Variants in ADAMTSL1 observed in about 807,000 individuals in gnomAD.
The protein encoded by ADAMTSL1 is ADAMTS-like protein 1.
In ADAMTSL1, 126 loss-of-function variants were observed where a neutral mutation model predicts 201.8. That is an observed-to-expected ratio of 0.62 (90% confidence interval 0.54 to 0.72). The LOEUF (loss-of-function observed/expected upper bound fraction) is 0.72, where lower values mean the gene tolerates loss of function less well. Ranked by LOEUF, ADAMTSL1 falls within the 30% of genes least tolerant of loss-of-function variation. The pLI is 0.00. For synonymous variants in ADAMTSL1, 1,121 were observed against 903.4 expected (o/e 1.24, Z -4.32); for missense variants, 2,679 against 2,277.8 (o/e 1.18, Z -3.59).
At chr9:18,144,185 A>G (rs927822451) in intron 1 of ADAMTSL1, among the ~76,000 whole-genome samples, 7 of 123,122 alleles carry the variant, frequency 5.7e-5, no homozygotes, top group Non-Finnish European at 1.2e-4. Context: ...AATAGTATAT[A>G]CATCTTTTTC....
At chr9:18,762,745 A>C (rs1033125496) in intron 16 of ADAMTSL1, among the ~76,000 whole-genome samples, 4 of 152,060 alleles carry the variant, frequency 2.6e-5, no homozygotes, top group African/African-American at 9.7e-5. Flanking sequence ...AAGTGAGAAC[A>C]TGTGATGTTT....
intron 2 of ADAMTSL1, among the ~76,000 whole-genome samples, chr9:18,522,974 T>C (rs1217230810): frequency 6.6e-6 from 1 of 152,182 alleles, no homozygotes; most frequent in Non-Finnish European, 1.5e-5. Flanking sequence ...GATGGCTGGG[T>C]CAAATGGTAT....
intron 2 of ADAMTSL1, among the ~76,000 whole-genome samples, chr9:18,385,761 G>A (rs1837766791): frequency 6.6e-6 from 1 of 152,112 alleles, no homozygotes; most frequent in African/African-American, 2.4e-5. Context: ...ATGAATTGTG[G>A]TTTTCCCCAC....
At chr9:18,481,548 C>A (rs1035342529) in intron 1 of ADAMTSL1, among the ~76,000 whole-genome samples, 12 of 151,448 alleles carry the variant, frequency 7.9e-5, no homozygotes, top group African/African-American at 2.9e-4. Flanking sequence ...CTGTAGGCAA[C>A]AGTTCTGTGA....
At position 18,389,185 on chromosome 9, in the gene ADAMTSL1, C is replaced by CT. The variant is rs74865114; in HGVS notation, c.208-115632dup. 4.9e-3 allele frequency among the ~76,000 whole-genome samples: 716 copies of CT among 145,298 alleles called. 3 individuals carry two copies. Among genetic ancestry groups the CT allele is most frequent in the Middle Eastern group, 0.014 (4 of 288 alleles). ...ATTTCAATAATCCCAATTTCTACCT[C>CT]TTTTTTTTTTTTAAGAAATTGAACA... On this transcript the variant is annotated intron_variant, in intron 2 of 29. Coordinates refer to the ADAMTSL1 transcript ENST00000680146.
chr9:18,386,107 C>T (rs1212251360), intron 2 of ADAMTSL1, among the ~76,000 whole-genome samples: 6 of 152,152 alleles, frequency 3.9e-5, no homozygotes, highest in Non-Finnish European at 7.4e-5. Context: ...TATTTTAGCT[C>T]TAACTCCCTC....
At chr9:18,359,810 G>GC (rs1458111666) in intron 2 of ADAMTSL1, among the ~76,000 whole-genome samples, 5 of 87,346 alleles carry the variant, frequency 5.7e-5, no homozygotes, top group African/African-American at 9.6e-5. Flanking sequence ...CAGGGTTAAT[G>GC]CCCCACCTCC....
intron 14 of ADAMTSL1, among the ~76,000 whole-genome samples, chr9:18,713,054 G>A (rs1338297972): frequency 6.6e-6 from 1 of 151,650 alleles, no homozygotes; most frequent in African/African-American, 2.4e-5. Context: ...AATGCTGAGA[G>A]ATTTTGTCAC....
intron 23 of ADAMTSL1, among the ~76,000 whole-genome samples, chr9:18,842,275 C>T (rs2131324576): frequency 6.6e-6 from 1 of 152,202 alleles, no homozygotes; most frequent in South Asian, 2.1e-4. Context: ...ATCTTTCTTT[C>T]TGCCTTCATT....
chr9:18,259,789 G>A (rs1274672783), intron 2 of ADAMTSL1, among the ~76,000 whole-genome samples: 1 of 152,140 alleles, frequency 6.6e-6, no homozygotes, highest in Non-Finnish European at 1.5e-5. Flanking sequence ...TAGAGTAATA[G>A]GAAATGGTGC....
intron 3 of ADAMTSL1, among the ~76,000 whole-genome samples, chr9:18,554,474 T>A (rs1261093107): frequency 6.6e-6 from 1 of 151,812 alleles, no homozygotes; most frequent in Non-Finnish European, 1.5e-5. Flanking sequence ...GAGGAGGATG[T>A]TGGCATAGGG....
At chr9:18,538,881 T>C (rs1162419967) in intron 3 of ADAMTSL1, among the ~76,000 whole-genome samples, 1 of 152,212 alleles carries the variant, frequency 6.6e-6, no homozygotes, top group African/African-American at 2.4e-5. Context: ...ACAATGACGC[T>C]GCTACAGGTC....
chr9:18,344,133 G>A (rs528057892), intron 2 of ADAMTSL1, among the ~76,000 whole-genome samples: 4 of 152,056 alleles, frequency 2.6e-5, no homozygotes, highest in African/African-American at 9.7e-5. Context: ...TGTAAAAAAT[G>A]TTTTAATTAC....
At position 18,849,750 on chromosome 9, in the gene ADAMTSL1, T is replaced by G. The variant is rs373352625; in HGVS notation, c.4249+19773T>G. Among the ~76,000 whole-genome samples, 44 of 152,374 alleles carry G rather than the reference T, an allele frequency of 2.9e-4. No homozygotes were observed. The South Asian group carries it at 9.1e-3, about 32-fold the overall frequency. The stretch of plus-strand genomic sequence containing the variant: ...TTTTATGTCACAAGGAAAATGCTTT[T>G]GATTTCCTAAAGCTTTGCCCACAAA... On this transcript the variant is annotated intron_variant, in intron 23 of 28. Coordinates refer to ENST00000380548, the MANE Select transcript of ADAMTSL1 (RefSeq NM_001040272.6).
chr9:18,179,086 G>A (rs1463922089), intron 2 of ADAMTSL1, among the ~76,000 whole-genome samples: 16 of 151,740 alleles, frequency 1.1e-4, no homozygotes, highest in Middle Eastern at 3.4e-3. Flanking sequence ...TCCGAGCTAC[G>A]GGAGGACATT....
intron 21 of ADAMTSL1, among the ~76,000 whole-genome samples, chr9:18,823,346 C>T (rs181020018): frequency 6.6e-6 from 1 of 152,198 alleles, no homozygotes; most frequent in Non-Finnish European, 1.5e-5. Flanking sequence ...CCCATGAAGT[C>T]CCCTGCTGTC....
intron 2 of ADAMTSL1, among the ~76,000 whole-genome samples, chr9:18,315,588 G>A (rs915883583): frequency 6.6e-6 from 1 of 152,148 alleles, no homozygotes; most frequent in Non-Finnish European, 1.5e-5. Flanking sequence ...TGGCCCAGGT[G>A]CTAAGTCCCT....
intron 1 of ADAMTSL1, among the ~76,000 whole-genome samples, chr9:18,086,854 T>A (rs925579159): frequency 6.6e-6 from 1 of 152,230 alleles, no homozygotes; most frequent in Non-Finnish European, 1.5e-5. Context: ...TATTTTTTTA[T>A]TTCAAGTGCT....
At position 18,889,623 on chromosome 9, in the gene ADAMTSL1, G is replaced by C; in HGVS notation, c.4518G>C (p.Arg1506=). The change falls in exon 25 of 29, where the codon CGG becomes CGC. Residue 1506 remains arginine, a synonymous_variant. Transcript: ENST00000380548. ...CCTGCTCAGCCTCCTGTGGTAACCGGGGGGTTCAGCAGCCCCGCTTGAGGT... is the reference window on the plus strand; with the variant it reads ...CCTGCTCAGCCTCCTGTGGTAACCGCGGGGTTCAGCAGCCCCGCTTGAGGT... ...LATCSASCGN[R]GVQQPRLRCL... is the part of the protein sequence containing the mutation. The C allele has an allele frequency of 4.3e-6, 7 of 1,613,668 alleles. No individual in the cohort carries two copies. The highest frequency in any genetic ancestry group is 5.9e-6 in the Non-Finnish European group (7 of 1,179,784).
Sources: gnomAD v4.1 joint callset for allele counts (sites outside exome capture counted in the v4.1 genomes callset) on GRCh38, gnomAD v4.1.1 for gene constraint, MANE v1.5 for transcripts, NCBI Gene and HGNC (gene_info 2026-07-23, HGNC 2026-07-21) for gene names.